The following DSCAML1 variants were observed in gnomAD, a reference collection of about 807,000 sequenced individuals.
The protein encoded by DSCAML1 is DS cell adhesion molecule like 1.
A neutral mutation model predicts 200.5 loss-of-function variants in DSCAML1; 38 were observed. That is an observed-to-expected ratio of 0.19 (90% CI 0.15 to 0.25). The LOEUF is 0.25. Among genes scored for constraint, DSCAML1 ranks in the 10% least tolerant of loss-of-function variants. The probability of loss-of-function intolerance (pLI) is 1.00; values close to 1 mark genes in which losing one functional copy is unlikely to be tolerated. For synonymous variants in DSCAML1, 1,215 were observed against 1,165.0 expected (o/e 1.04, Z -0.87); for missense variants, 2,223 against 2,858.8 (o/e 0.78, Z 5.07).
rs74452220 is a variant in DSCAML1, at chr11:117,745,227, C to G, written c.511+31564G>C. 1.6e-3 allele frequency among the ~76,000 whole-genome samples: 226 copies of G among 143,470 alleles called. 1 individual carries two copies. Among genetic ancestry groups the G allele is most frequent in the African/African-American group, 3.9e-3 (150 of 38,574 alleles). The allele number at this position is 143,470 out of a possible 152,430, so 94.1% of individuals were successfully genotyped here. On this transcript the variant is annotated intron_variant, in intron 3 of 32. Coordinates refer to ENST00000651296, the MANE Select transcript of DSCAML1 (RefSeq NM_020693.4). ...GGAGGGCTGGTGAGGCTACCTGGGG[C>G]GGGGGTGGCTGCGTGAGCATGTTCA...
Position 117,450,800 on chromosome 11 carries a change from T to C in DSCAML1, c.3569-112A>G. ...TCAATCTGGGAGAGCTTCTTGGAGG[T>C]GGCATCCTTGAGCTGTGGTTTAGAA... On this transcript the variant is annotated intron_variant, in intron 19 of 32. Transcript: ENST00000651296. 6.9e-6 allele frequency: 9 copies of C among 1,306,472 alleles called. No homozygotes were observed. In the South Asian group the frequency reaches 1.3e-4, roughly 20 times the overall value. 80.9% of individuals were successfully genotyped at this position (1,306,472 alleles called of 1,614,324 possible).
intron 3 of DSCAML1, among the ~76,000 whole-genome samples, chr11:117,603,073 G>T (rs2051494907): frequency 6.6e-6 from 1 of 152,138 alleles, no homozygotes; most frequent in Non-Finnish European, 1.5e-5. Context: ...TTCAGCTCGA[G>T]GACAAAGTGA....
chr11:117,558,946 G>A (rs1397293057), intron 3 of DSCAML1, among the ~76,000 whole-genome samples: 2 of 152,172 alleles, frequency 1.3e-5, no homozygotes, highest in African/African-American at 2.4e-5. Context: ...CCAGGGCCAG[G>A]TGGTGGTGCC....
intron 3 of DSCAML1, among the ~76,000 whole-genome samples, chr11:117,656,840 G>A (rs1185714725): frequency 6.6e-6 from 1 of 152,220 alleles, no homozygotes; most frequent in Non-Finnish European, 1.5e-5. Context: ...CTTGGTAGCT[G>A]TAGCCCTCAA....
intron 3 of DSCAML1, among the ~76,000 whole-genome samples, chr11:117,655,280 G>A (rs533665797): frequency 1.5e-4 from 23 of 152,370 alleles, no homozygotes; most frequent in Admixed American, 4.6e-4. Context: ...GGCTATTTGG[G>A]CCTTTGAATT....
chr11:117,726,353 G>A (rs2054131030), intron 3 of DSCAML1, among the ~76,000 whole-genome samples: 1 of 152,050 alleles, frequency 6.6e-6, no homozygotes, highest in African/African-American at 2.4e-5. Context: ...TCTGTGTGGG[G>A]GAAGGGAGAG....
At chr11:117,493,017 C>T (rs1267910382) in intron 11 of DSCAML1, among the ~76,000 whole-genome samples, 1 of 152,110 alleles carries the variant, frequency 6.6e-6, no homozygotes, top group Non-Finnish European at 1.5e-5. Flanking sequence ...GAGCTGGGGC[C>T]CATGGGACCC....
chr11:117,512,643 T>TACACACAC (rs71037481), intron 8 of DSCAML1, among the ~76,000 whole-genome samples: 33 of 125,238 alleles, frequency 2.6e-4, no homozygotes, highest in Middle Eastern at 4.3e-3. Flanking sequence ...CAAGCGTGTG[T>TACACACAC]ACACACACAC....
At chr11:117,558,449 G>A (rs375413394) in intron 3 of DSCAML1, among the ~76,000 whole-genome samples, 1 of 152,180 alleles carries the variant, frequency 6.6e-6, no homozygotes, top group East Asian at 1.9e-4. Context: ...TTGGAGCCAC[G>A]AGATGTTCAG....
At chr11:117,631,312 C>T (rs1335051308) in intron 3 of DSCAML1, among the ~76,000 whole-genome samples, 1 of 152,214 alleles carries the variant, frequency 6.6e-6, no homozygotes, top group Non-Finnish European at 1.5e-5. Context: ...CAGGCTCTCC[C>T]ACAGACACAG....
chr11:117,747,619 T>C lies in DSCAML1; in HGVS notation c.511+29172A>G, dbSNP rs567343798. On this transcript the variant is annotated intron_variant, in intron 3 of 32. Transcript: ENST00000651296. ...AAAGGAGAGAGGGTCTGGCACACCA[T>C]GGCAGCCAGAAGAATGAGCTGGCTT... Among the ~76,000 whole-genome samples, 143 of 152,278 alleles carry C rather than the reference T, an allele frequency of 9.4e-4. No homozygotes were observed. The South Asian group carries it at 0.028, about 30-fold the overall frequency.
chr11:117,506,674 A>C (rs902674974), intron 8 of DSCAML1, among the ~76,000 whole-genome samples: 2 of 150,710 alleles, frequency 1.3e-5, no homozygotes, highest in African/African-American at 4.9e-5. Context: ...CAGCCTCCCA[A>C]GTAGCTGGGA....
intron 3 of DSCAML1, among the ~76,000 whole-genome samples, chr11:117,673,092 G>A (rs2053143974): frequency 6.6e-6 from 1 of 152,090 alleles, no homozygotes; most frequent in South Asian, 2.1e-4. Flanking sequence ...GCTCTCTGTG[G>A]ACAAGCTGTA....
At position 117,428,163 on chromosome 11, in the gene DSCAML1, T is replaced by C; in HGVS notation, c.*165A>G. On this transcript the variant is annotated 3_prime_UTR_variant, in exon 33 of 33. Transcript: ENST00000651296. ...GAGAAGAAGAAAATAGTTTCATTTG[T>C]ACAAAAGAGTTCTATGTACAGGCGT... is the stretch of plus-strand genomic sequence containing the variant. 2 of 565,880 alleles carry C rather than the reference T, an allele frequency of 3.5e-6. No homozygotes were observed. The highest frequency in any genetic ancestry group is 6.3e-6 in the Non-Finnish European group (2 of 317,316). 35.1% of individuals were successfully genotyped at this position (565,880 alleles called of 1,614,324 possible). A position where few individuals can be genotyped will look rare whatever the true frequency, so the allele number is the denominator to read the frequency against.
At chr11:117,748,965 T>A (rs544929273) in intron 3 of DSCAML1, among the ~76,000 whole-genome samples, 15 of 152,244 alleles carry the variant, frequency 9.9e-5, no homozygotes, top group African/African-American at 3.1e-4. Flanking sequence ...CGGGTAAGGC[T>A]CTAGTTGGCT....
chr11:117,435,529 A>G (rs1015410089), intron 27 of DSCAML1, 115 bp downstream of exon 27: 4 of 1,266,042 alleles, frequency 3.2e-6, no homozygotes, highest in Admixed American at 4.9e-5. Flanking sequence ...TCCTCCTTCA[A>G]GGGGACACAG....
At chr11:117,811,148 G>A (rs978796638) in intron 1 of DSCAML1, among the ~76,000 whole-genome samples, 9 of 152,264 alleles carry the variant, frequency 5.9e-5, no homozygotes, top group African/African-American at 2.2e-4. Context: ...CATAGTCAAG[G>A]TTAATGCTCC....
rs538977266 is a variant in DSCAML1 at position 117,480,237 on chromosome 11, C to G, written c.2785+206G>C. 3.9e-5 allele frequency among the ~76,000 whole-genome samples: 6 copies of G among 152,324 alleles called. No homozygotes were observed. The highest frequency in any genetic ancestry group is 1.4e-4 in the African/African-American group (6 of 41,576). On this transcript the variant is annotated intron_variant, in intron 14 of 32. Transcript: ENST00000651296. This position sits in a 1 kb window ranked among gnomAD's most constrained non-coding sequence, Gnocchi z 4.1. ...ACATCACTACCCATCAACTGGGGGT[C>G]TCCATCTTCCACCCGGACTCCTAGC... is the stretch of plus-strand genomic sequence containing the variant.
At chr11:117,535,980 A>G (rs1260885599) in intron 3 of DSCAML1, among the ~76,000 whole-genome samples, 1 of 151,328 alleles carries the variant, frequency 6.6e-6, no homozygotes, top group African/African-American at 2.4e-5. Context: ...GCTGCATCTG[A>G]TGTTTCACAT....
Sources: gnomAD v4.1 joint callset for allele counts (sites outside exome capture counted in the v4.1 genomes callset) on GRCh38, gnomAD v4.1.1 for gene constraint, Gnocchi (gnomAD v3.1) non-coding constraint, MANE v1.5 for transcripts, NCBI Gene and HGNC (gene_info 2026-07-23, HGNC 2026-07-21) for gene names.